MYO5B: variants seen among roughly 807,000 people sequenced by gnomAD.
The protein encoded by MYO5B is unconventional myosin-Vb.
A neutral mutation model predicts 229.3 loss-of-function variants in MYO5B; 143 were observed. The ratio of observed to expected loss-of-function variants is 0.62; its 90% confidence interval spans 0.54 to 0.72. The LOEUF (loss-of-function observed/expected upper bound fraction) is 0.72. Among genes scored for constraint, MYO5B ranks in the 30% least tolerant of loss-of-function variants. The pLI is 0.00. For missense variants in MYO5B, 2,321 were observed against 2,331.0 expected (o/e 1.00, Z 0.09); for synonymous variants, 918 against 885.2 (o/e 1.04, Z -0.66).
chr18:50,106,143 C>A (rs986553943), intron 1 of MYO5B, among the ~76,000 whole-genome samples: 2 of 152,048 alleles, frequency 1.3e-5, no homozygotes, highest in African/African-American at 2.4e-5. Context: ...GTCTTCACTT[C>A]CCCTCTACCT....
rs377189310 is a variant in MYO5B, at chr18:50,042,835, C to A, written c.139-2521G>T. Among the ~76,000 whole-genome samples the A allele has an allele frequency of 3.7e-4, 57 of 152,290 alleles. No homozygotes were observed. In the East Asian group the frequency reaches 8.9e-3, roughly 24 times the overall value. On this transcript the variant is annotated intron_variant, in intron 2 of 39. Transcript: ENST00000285039. ...GACCGCCAGGTGCAGAGCCACAGAG[C>A]TCATGTCTTTCAGATTAGAAAGCCA...
In MYO5B at chr18:49,984,835, G is replaced by A. The variant is rs2025854337; in HGVS notation, c.839-10C>T. ...AAGTCCTCTGCACTTGCTGTGGGAG[G>A]CGAGGAAATAAGGCATGAGGCACTG... On this transcript the variant is annotated splice_polypyrimidine_tract_variant and intron_variant, in intron 7 of 39. Transcript: ENST00000285039. The A allele has an allele frequency of 1.3e-6, 2 of 1,573,722 alleles. No homozygotes were observed. The highest frequency in any genetic ancestry group is 1.1e-5 in the South Asian group (1 of 90,264).
chr18:49,861,004 G>T (rs1482383662), intron 29 of MYO5B, among the ~76,000 whole-genome samples: 1 of 152,158 alleles, frequency 6.6e-6, no homozygotes, highest in South Asian at 2.1e-4. Flanking sequence ...CAGCAATCAT[G>T]AACACTTCCC....
chr18:50,077,598 C>T (rs1009356262), intron 1 of MYO5B, among the ~76,000 whole-genome samples: 1 of 151,898 alleles, frequency 6.6e-6, no homozygotes, highest in Non-Finnish European at 1.5e-5. Context: ...CCACTCATCT[C>T]CTATAGATTC....
chr18:50,088,315 G>A (rs750609962), intron 1 of MYO5B, among the ~76,000 whole-genome samples: 1 of 152,160 alleles, frequency 6.6e-6, no homozygotes, highest in East Asian at 1.9e-4. Flanking sequence ...GATTGGAACT[G>A]AGCCTCAGGA....
intron 1 of MYO5B, among the ~76,000 whole-genome samples, chr18:50,151,729 G>A (rs940456428): frequency 3.9e-5 from 6 of 152,060 alleles, no homozygotes; most frequent in Admixed American, 2.0e-4. Flanking sequence ...AGCTAGGATT[G>A]TATTGTATCA....
chr18:49,906,195 C>A (rs1478785372), intron 19 of MYO5B, among the ~76,000 whole-genome samples: 1 of 152,006 alleles, frequency 6.6e-6, no homozygotes, highest in East Asian at 1.9e-4. Context: ...ATGGAGGGAG[C>A]CTGGGGAAAC....
intron 4 of MYO5B, among the ~76,000 whole-genome samples, chr18:50,004,780 G>C (rs1479770155): frequency 6.6e-6 from 1 of 152,150 alleles, no homozygotes; most frequent in Non-Finnish European, 1.5e-5. Flanking sequence ...AGGTGGGGTA[G>C]GTGCACATTA....
intron 1 of MYO5B, among the ~76,000 whole-genome samples, chr18:50,135,816 C>T (rs1313068782): frequency 6.6e-6 from 1 of 152,192 alleles, no homozygotes; most frequent in Non-Finnish European, 1.5e-5. Flanking sequence ...TGGGAGGAAA[C>T]ACTGCACAGT....
chr18:49,931,416 C>T (rs1281067891), intron 16 of MYO5B, among the ~76,000 whole-genome samples: 1 of 152,196 alleles, frequency 6.6e-6, no homozygotes, highest in African/African-American at 2.4e-5. Flanking sequence ...CTTCCCGACT[C>T]CTCCAGCTCC....
chr18:49,939,480 T>C (rs1297308402), intron 14 of MYO5B, among the ~76,000 whole-genome samples: 1 of 152,216 alleles, frequency 6.6e-6, no homozygotes, highest in Non-Finnish European at 1.5e-5. Context: ...TAAGTACAGA[T>C]GCTTAAGAAA....
intron 1 of MYO5B, among the ~76,000 whole-genome samples, chr18:50,168,095 T>C (rs1446817499): frequency 1.3e-5 from 2 of 152,242 alleles, no homozygotes; most frequent in African/African-American, 4.8e-5. Flanking sequence ...TTCTGAATTA[T>C]TCAGCACTGC....
chr18:49,882,343 CG>C (rs2024595843), intron 22 of MYO5B, among the ~76,000 whole-genome samples: 1 of 54,772 alleles, frequency 1.8e-5, no homozygotes, highest in African/African-American at 8.5e-5. Context: ...AATGGAAACC[CG>C]GCCAGGTACC....
At chr18:50,192,755 G>A (rs1309031233) in intron 1 of MYO5B, among the ~76,000 whole-genome samples, 1 of 152,170 alleles carries the variant, frequency 6.6e-6, no homozygotes, top group Non-Finnish European at 1.5e-5. Flanking sequence ...ATCTTTTCCA[G>A]TTAATAATGT....
At chr18:50,094,775 G>A (rs867408271) in intron 1 of MYO5B, among the ~76,000 whole-genome samples, 13 of 152,228 alleles carry the variant, frequency 8.5e-5, no homozygotes, top group Middle Eastern at 3.4e-3. Flanking sequence ...TAGCCATTAG[G>A]CCACTAAAAA....
In MYO5B at chr18:49,994,382, C is replaced by T. The variant is rs145915941; in HGVS notation, c.613-1951G>A. Among the ~76,000 whole-genome samples, 170 of 152,288 alleles carry T rather than the reference C, an allele frequency of 1.1e-3. 2 individuals carry two copies. Among genetic ancestry groups the T allele is most frequent in the Admixed American group, 7.9e-3 (121 of 15,302 alleles). On this transcript the variant is annotated intron_variant, in intron 5 of 39. Coordinates refer to ENST00000285039, the MANE Select transcript of MYO5B (RefSeq NM_001080467.3). Reference sequence around the variant, plus strand: ...GAAATGTAAGTATTGGACTCCTTGTCCTCATACGTAACTTGCCACTGCAAA... The same window carrying T: ...GAAATGTAAGTATTGGACTCCTTGTTCTCATACGTAACTTGCCACTGCAAA...
Position 49,886,825 on chromosome 18 carries a change from G to T in MYO5B, c.3046-6370C>A, listed in dbSNP as rs1245132608. 3.9e-5 allele frequency among the ~76,000 whole-genome samples: 6 copies of T among 152,050 alleles called. No homozygotes were observed. In the East Asian group the frequency reaches 1.2e-3, roughly 29 times the overall value. On this transcript the variant is annotated intron_variant, in intron 22 of 39. Transcript: ENST00000285039. ...TCACCAAGCCTAGTTCTGGCCCCTA[G>T]TATGACACAGGGCAAGGCTGTCACT...
intron 26 of MYO5B, among the ~76,000 whole-genome samples, chr18:49,873,711 A>C (rs1432618595): frequency 2.0e-5 from 3 of 152,208 alleles, no homozygotes; most frequent in Non-Finnish European, 4.4e-5. Context: ...ACTCAGACTC[A>C]AGGGGCTCTA....
At chr18:49,952,459 G>A (rs866515585) in intron 14 of MYO5B, among the ~76,000 whole-genome samples, 4 of 151,084 alleles carry the variant, frequency 2.6e-5, no homozygotes, top group Non-Finnish European at 2.9e-5. Context: ...CCCTCTCCCC[G>A]TGCTCCTTCT....
Sources: gnomAD v4.1 joint callset for allele counts (sites outside exome capture counted in the v4.1 genomes callset) on GRCh38, gnomAD v4.1.1 for gene constraint, MANE v1.5 for transcripts, NCBI Gene and HGNC (gene_info 2026-07-23, HGNC 2026-07-21) for gene names.